SUGCT: variants seen among roughly 807,000 people sequenced by gnomAD.
The protein encoded by SUGCT is succinyl-CoA:glutarate CoA-transferase.
In SUGCT, 41 loss-of-function variants were observed where a neutral mutation model predicts 55.0. The observed-to-expected ratio is 0.74, with a 90% CI of 0.58 to 0.97. The LOEUF (loss-of-function observed/expected upper bound fraction) is 0.97. Ranked by LOEUF, SUGCT falls within the 50% of genes least tolerant of loss-of-function variation. The pLI is 0.00. For missense variants in SUGCT, 568 were observed against 547.8 expected (o/e 1.04, Z -0.37); for synonymous variants, 187 against 200.4 (o/e 0.93, Z 0.56).
intron 12 of SUGCT, among the ~76,000 whole-genome samples, chr7:40,559,421 C>T (rs886822875): frequency 1.3e-5 from 2 of 152,158 alleles, no homozygotes; most frequent in African/African-American, 2.4e-5. Context: ...TATCTATAGG[C>T]GACAGCCCTG....
chr7:40,444,566 T>C (rs1020984452), intron 9 of SUGCT, among the ~76,000 whole-genome samples: 1 of 152,176 alleles, frequency 6.6e-6, no homozygotes, highest in African/African-American at 2.4e-5. Context: ...TTTTTGCACA[T>C]TGATTTTGTA....
chr7:40,260,932 A>G (rs1051305818), intron 7 of SUGCT, among the ~76,000 whole-genome samples: 14 of 151,906 alleles, frequency 9.2e-5, no homozygotes, highest in African/African-American at 3.4e-4. Flanking sequence ...TGCCTGGCCT[A>G]TTTTTACTTT....
At chr7:40,304,553 C>T (rs949547311) in intron 8 of SUGCT, among the ~76,000 whole-genome samples, 2 of 151,370 alleles carry the variant, frequency 1.3e-5, no homozygotes, top group Non-Finnish European at 2.9e-5. Flanking sequence ...GCAGTGTACA[C>T]TGTACCAACA....
chr7:41,015,545 G>A, the SUGCT span, among the ~76,000 whole-genome samples: 14 of 152,244 alleles, frequency 9.2e-5, no homozygotes, highest in East Asian at 2.7e-3. Context: ...GTATTTTTAA[G>A]GGCTTCCCAG....
intron 13 of SUGCT, among the ~76,000 whole-genome samples, chr7:40,817,919 A>T (rs1335785871): frequency 1.3e-5 from 2 of 152,182 alleles, no homozygotes; most frequent in East Asian, 3.9e-4. Context: ...CATGTAATAT[A>T]ATGGTTGCTA....
chr7:40,952,947 C>T, the SUGCT span, among the ~76,000 whole-genome samples: 39 of 152,098 alleles, frequency 2.6e-4, 1 homozygote, highest in African/African-American at 7.5e-4. Context: ...TTGCTCTTCT[C>T]GAGGAGTATC....
chr7:40,157,413 G>A (rs554907818), intron 1 of SUGCT, among the ~76,000 whole-genome samples: 1 of 152,236 alleles, frequency 6.6e-6, no homozygotes, highest in South Asian at 2.1e-4. Context: ...GGTTTTCATT[G>A]CATTGTCTAT....
intron 12 of SUGCT, among the ~76,000 whole-genome samples, chr7:40,645,075 GT>G (rs1800438451): frequency 6.6e-6 from 1 of 152,206 alleles, no homozygotes; most frequent in Non-Finnish European, 1.5e-5. Flanking sequence ...AGGTGCTGCT[GT>G]TCTGTACCCC....
intron 9 of SUGCT, among the ~76,000 whole-genome samples, chr7:40,376,276 C>A (rs186164166): frequency 1.8e-3 from 272 of 152,122 alleles, no homozygotes; most frequent in Non-Finnish European, 3.0e-3. Context: ...ATGTATATAG[C>A]ATTAATGTAT....
chr7:40,141,800 TA>T, intron 1 of SUGCT: 1 of 389,486 alleles, frequency 2.6e-6, no homozygotes, highest in South Asian at 2.0e-5. Flanking sequence ...CACTGGAATA[TA>T]AAATTTTCTT....
chr7:40,580,790 C>G (rs752446424), intron 12 of SUGCT, among the ~76,000 whole-genome samples: 6 of 152,138 alleles, frequency 3.9e-5, no homozygotes, highest in Non-Finnish European at 5.9e-5. Context: ...TTTAGATACA[C>G]AAATACCATT....
chr7:40,491,870 A>G (rs533113701), intron 11 of SUGCT, among the ~76,000 whole-genome samples: 1 of 152,172 alleles, frequency 6.6e-6, no homozygotes, highest in African/African-American at 2.4e-5. Flanking sequence ...GGCACCTGTA[A>G]TCCCAGCTAT....
the SUGCT span, among the ~76,000 whole-genome samples, chr7:41,016,567 A>G: frequency 6.6e-6 from 1 of 152,384 alleles, no homozygotes; most frequent in East Asian, 1.9e-4. Flanking sequence ...ATTAGTAAAA[A>G]GAAAGAAAAC....
At position 40,255,433 on chromosome 7, in the gene SUGCT, C is replaced by T. The variant is rs541516710; in HGVS notation, c.576+17707C>T. ...TCCTAGCACCTTGGGAGGCCGGGGC[C>T]GGCTGTTCACCTGAGGTCAGGAGTT... On this transcript the variant is annotated intron_variant, in intron 7 of 13. Coordinates refer to ENST00000335693, the MANE Select transcript of SUGCT (RefSeq NM_001193313.2). Among the ~76,000 whole-genome samples, 81 of 150,744 alleles carry T rather than the reference C, an allele frequency of 5.4e-4. 1 individual carries two copies. The highest frequency in any genetic ancestry group is 9.5e-4 in the Non-Finnish European group (64 of 67,696).
At chr7:40,688,555 T>G (rs1218903572) in intron 12 of SUGCT, among the ~76,000 whole-genome samples, 1 of 152,046 alleles carries the variant, frequency 6.6e-6, no homozygotes, top group Non-Finnish European at 1.5e-5. Context: ...ATATATATAA[T>G]ATTTAAAAGA....
intron 12 of SUGCT, among the ~76,000 whole-genome samples, chr7:40,636,903 A>T (rs561996336): frequency 6.6e-6 from 1 of 152,240 alleles, no homozygotes; most frequent in African/African-American, 2.4e-5. Flanking sequence ...ATTCAGAAAG[A>T]TATCCCTAAC....
chr7:40,787,740 C>G (rs977369259), intron 13 of SUGCT, among the ~76,000 whole-genome samples: 1 of 147,306 alleles, frequency 6.8e-6, no homozygotes, highest in African/African-American at 2.5e-5. Context: ...GGCAGGCTAG[C>G]ATGATAGAAA....
intron 12 of SUGCT, among the ~76,000 whole-genome samples, chr7:40,574,468 G>T (rs923070808): frequency 4.6e-5 from 7 of 152,006 alleles, no homozygotes; most frequent in African/African-American, 1.7e-4. Flanking sequence ...GTCTTGCTCT[G>T]TTGCCCAGGC....
intron 1 of SUGCT, chr7:40,153,152 A>G (rs557329011): frequency 2.9e-5 from 7 of 238,988 alleles, no homozygotes; most frequent in African/African-American, 7.1e-5. Flanking sequence ...ATTCACTACA[A>G]TGTTTTAGAT....
Sources: allele counts gnomAD v4.1 joint callset (sites outside exome capture counted in the v4.1 genomes callset), GRCh38; gene constraint gnomAD v4.1.1; transcripts MANE v1.5; gene names NCBI Gene and HGNC (gene_info 2026-07-23, HGNC 2026-07-21).